The following PCDHGA11 variants were observed in gnomAD, a reference collection of about 807,000 sequenced individuals.
The protein encoded by PCDHGA11 is protocadherin gamma-A11.
Under a neutral mutation model 60.4 loss-of-function variants are expected in PCDHGA11, and 39 were observed. The ratio of observed to expected loss-of-function variants is 0.65; its 90% confidence interval spans 0.50 to 0.84. PCDHGA11 has a LOEUF of 0.84. PCDHGA11 is among the 40% of genes least tolerant of loss of function. The pLI is 0.00. For synonymous variants in PCDHGA11, 533 were observed against 510.3 expected, an observed-to-expected ratio of 1.04 and a Z score of -0.60; for missense variants, 1,165 against 1,197.7, an observed-to-expected ratio of 0.97 and a Z score of 0.40.
chr5:141,490,050 C>T lies in PCDHGA11; in HGVS notation c.2434-4757C>T, dbSNP rs1400735375. On this transcript the variant is annotated intron_variant, in intron 1 of 3. Transcript: ENST00000398587. This position sits in a 1 kb window ranked among gnomAD's most constrained non-coding sequence, Gnocchi z 5.4. ...TCCGCCTCAATGCCACTGATCCAGA[C>T]GAGGGCACCAACGGCCAACTAGACT... The T allele has an allele frequency of 1.2e-6, 2 of 1,614,224 alleles. No individual in the cohort carries two copies. The highest frequency in any genetic ancestry group is 1.7e-6 in the Non-Finnish European group (2 of 1,180,022).
chr5:141,457,159 T>C (rs908257499), intron 1 of PCDHGA11, among the ~76,000 whole-genome samples: 5 of 152,212 alleles, frequency 3.3e-5, no homozygotes, highest in Non-Finnish European at 7.3e-5. Flanking sequence ...GGTGCTACCA[T>C]GGATAACCCT....
chr5:141,428,513 AAAG>A (rs891793310), intron 1 of PCDHGA11: 2 of 280,938 alleles, frequency 7.1e-6, no homozygotes, highest in Non-Finnish European at 1.4e-5. Context: ...GATTCTAGAA[AAAG>A]AAGATTTAAT....
rs1468315559 is a variant in PCDHGA11 at position 141,493,636 on chromosome 5, G to A, written c.2434-1171G>A. 1.3e-5 allele frequency among the ~76,000 whole-genome samples: 2 copies of A among 152,130 alleles called. No individual in the cohort carries two copies. Among genetic ancestry groups the A allele is most frequent in the Non-Finnish European group, 2.9e-5 (2 of 68,040 alleles). The stretch of plus-strand genomic sequence containing the variant: ...TGTGTCTAAGAATACAGTGGCTGAG[G>A]GCTGGCCATCCCTGTGCCCTTCTCC... On this transcript the variant is annotated intron_variant, in intron 1 of 3. Transcript: ENST00000398587. The surrounding 1 kb of genome is among the most constrained non-coding windows in gnomAD (Gnocchi z 4.3).
In PCDHGA11 at chr5:141,439,231, T is replaced by C. The variant is rs545867747; in HGVS notation, c.2433+15571T>C. 2.0e-5 allele frequency among the ~76,000 whole-genome samples: 3 copies of C among 151,650 alleles called. No individual in the cohort carries two copies. In the East Asian group the frequency reaches 5.8e-4, roughly 29 times the overall value. On this transcript the variant is annotated intron_variant, in intron 1 of 3. Coordinates refer to ENST00000398587, the MANE Select transcript of PCDHGA11 (RefSeq NM_018914.3). ...TCCATATGTGAAAATTCTTAGAAGC[T>C]TCCTATACAATTTCAGCTGAAGATT...
Position 141,421,822 on chromosome 5 carries a change from G to A in PCDHGA11, c.595G>A (p.Gly199Arg), listed in dbSNP as rs2096603648. The change falls in exon 1 of 4, where the codon GGA (glycine) becomes AGA (arginine). Residue 199 changes from glycine (G) to arginine (R), a missense_variant. By Grantham distance (125) the Gly-to-Arg change is moderately radical (BLOSUM62 -2). Transcript: ENST00000398587. Reference protein sequence around the residue: ...GAKNPELVLEGSLDREKEAAH... With the variant: ...GAKNPELVLERSLDREKEAAH... ...CAAGAATCCAGAGCTAGTACTGGAG[G>A]GAAGCCTGGACCGAGAGAAAGAGGC... 3.7e-6 allele frequency: 6 copies of A among 1,613,690 alleles called. No homozygotes were observed. The East Asian group carries it at 1.1e-4, about 30-fold the overall frequency.
chr5:141,486,401 G>T lies in PCDHGA11; in HGVS notation c.2434-8406G>T. 6.2e-7 allele frequency: 1 copy of T among 1,614,174 alleles called. No individual in the cohort carries two copies. On this transcript the variant is annotated intron_variant, in intron 1 of 3. Transcript: ENST00000398587. The surrounding 1 kb of genome is among the most constrained non-coding windows in gnomAD (Gnocchi z 5.0). ...CAGGAACCAGTTCTCCCTGGTGACT[G>T]CTGGACCCTTGGATCGAGAGGCCAA...
chr5:141,427,998 C>T, intron 1 of PCDHGA11: 1 of 1,600,956 alleles, frequency 6.2e-7, no homozygotes, highest in Non-Finnish European at 8.6e-7. Flanking sequence ...TGGCTCCGCA[C>T]TCTTCGATAT....
Position 141,422,229 on chromosome 5 carries a change from G to C in PCDHGA11, c.1002G>C (p.Met334Ile). The change falls in exon 1 of 4, where the codon ATG becomes ATC. Residue 334 changes from methionine (M) to isoleucine (I), a missense_variant. Met to Ile is a conservative substitution (Grantham distance 10, BLOSUM62 1). Coordinates refer to ENST00000398587, the MANE Select transcript of PCDHGA11 (RefSeq NM_018914.3). The stretch of plus-strand genomic sequence containing the variant: ...GAGGTCTCTTTACCACCACGACGAT[G>C]TTGATCACTGTTGTGGATGTGAATG... ...DGGGLFTTTT[M>I]LITVVDVNDN... The C allele has an allele frequency of 2.6e-6, 4 of 1,565,880 alleles. No homozygotes were observed. Among genetic ancestry groups the C allele is most frequent in the Non-Finnish European group, 3.4e-6 (4 of 1,161,620 alleles).
chr5:141,509,785 C>T (rs1445220885), intron 3 of PCDHGA11, among the ~76,000 whole-genome samples: 1 of 152,166 alleles, frequency 6.6e-6, no homozygotes, highest in African/African-American at 2.4e-5. Context: ...CCGAGATCAT[C>T]ATCTCCTCAG....
At chr5:141,501,330 CACA>C (rs1301023208) in intron 2 of PCDHGA11, among the ~76,000 whole-genome samples, 82 of 151,502 alleles carry the variant, frequency 5.4e-4, no homozygotes, top group Admixed American at 2.2e-3. Flanking sequence ...CACACACACA[CACA>C]CCCCAAACTC....
Position 141,422,522 on chromosome 5 carries a change from C to T in PCDHGA11, c.1295C>T (p.Pro432Leu), listed in dbSNP as rs767482856. Residue 432 changes from proline to leucine, a missense_variant, in exon 1 of 4, where the codon CCT (proline) becomes CTT (leucine). Physicochemically the swap from Pro to Leu is moderately conservative, Grantham distance 98. Coordinates refer to ENST00000398587, the MANE Select transcript of PCDHGA11 (RefSeq NM_018914.3). Reference sequence around the variant, plus strand: ...ACAGCCACAGACCAGGGAAGCCCGCCTTTGTCTGCAGAAACTCATGTCTGG... The same window carrying T: ...ACAGCCACAGACCAGGGAAGCCCGCTTTTGTCTGCAGAAACTCATGTCTGG... ...TLTATDQGSPPLSAETHVWLN... is the reference protein window; with the variant it reads ...TLTATDQGSPLLSAETHVWLN... 11 of 1,614,014 alleles carry T rather than the reference C, an allele frequency of 6.8e-6. No homozygotes were observed. In the South Asian group the frequency reaches 1.1e-4, roughly 16 times the overall value.
Position 141,490,140 on chromosome 5 carries a change from G to T in PCDHGA11, c.2434-4667G>T. On this transcript the variant is annotated intron_variant, in intron 1 of 3. Transcript: ENST00000398587. This position sits in a 1 kb window ranked among gnomAD's most constrained non-coding sequence, Gnocchi z 5.4. Reference sequence around the variant, plus strand: ...TCTTTGGCCTAGACCCTAGCAGTGGGGCAATCCATGTGTTGGGTCCCATAG... The same window carrying T: ...TCTTTGGCCTAGACCCTAGCAGTGGTGCAATCCATGTGTTGGGTCCCATAG... 1 of 1,614,206 alleles carries T rather than the reference G, an allele frequency of 6.2e-7. No homozygotes were observed. The highest frequency in any genetic ancestry group is 8.5e-7 in the Non-Finnish European group (1 of 1,180,026).
intron 2 of PCDHGA11, among the ~76,000 whole-genome samples, chr5:141,503,595 G>A (rs6892628): frequency 7.1e-6 from 1 of 140,086 alleles, no homozygotes. Context: ...CGAGACTCCA[G>A]CTCAAAAAAA....
intron 1 of PCDHGA11, among the ~76,000 whole-genome samples, chr5:141,451,298 C>T (rs1221562397): frequency 6.6e-6 from 1 of 152,206 alleles, no homozygotes; most frequent in African/African-American, 2.4e-5. Context: ...CAAAGTCTTA[C>T]AAGGCAGCAA....
rs764482722 is a variant in PCDHGA11 at position 141,432,066 on chromosome 5, C to T, written c.2433+8406C>T. 62 of 1,614,062 alleles carry T rather than the reference C, an allele frequency of 3.8e-5. No individual in the cohort carries two copies. The highest frequency in any genetic ancestry group is 5.2e-5 in the Non-Finnish European group (61 of 1,180,046). On this transcript the variant is annotated intron_variant, in intron 1 of 3. Coordinates refer to ENST00000398587, the MANE Select transcript of PCDHGA11 (RefSeq NM_018914.3). The surrounding 1 kb of genome is among the most constrained non-coding windows in gnomAD (Gnocchi z 6.0). ...GGAACCCCGCCCCTATCCACGGAAA[C>T]TCATATCTCGCTGAACGTGGCAGAC...
Position 141,485,752 on chromosome 5 carries a change from G to A in PCDHGA11, c.2434-9055G>A. 1 of 1,614,232 alleles carries A rather than the reference G, an allele frequency of 6.2e-7. No individual in the cohort carries two copies. Among genetic ancestry groups the A allele is most frequent in the Middle Eastern group, 1.6e-4 (1 of 6,062 alleles). ...GCAGCGACGGCAGCCTGGTCCCAGA[G>A]CTGCTCCTGGAGAAGCCTTTGGATC... On this transcript the variant is annotated intron_variant, in intron 1 of 3. Coordinates refer to ENST00000398587, the MANE Select transcript of PCDHGA11 (RefSeq NM_018914.3). This position sits in a 1 kb window ranked among gnomAD's most constrained non-coding sequence, Gnocchi z 5.7.
At chr5:141,441,725 C>T (rs2098268012) in intron 1 of PCDHGA11, 3 of 352,332 alleles carry the variant, frequency 8.5e-6, no homozygotes. Flanking sequence ...AGGCCCGCGA[C>T]CAGGACTAGC....
Position 141,421,791 on chromosome 5 carries a change from T to TG in PCDHGA11, c.568dup (p.Ala190GlyfsTer49). 1 of 1,613,792 alleles carries TG rather than the reference T, an allele frequency of 6.2e-7. No homozygotes were observed. Among genetic ancestry groups the TG allele is most frequent in the Non-Finnish European group, 8.5e-7 (1 of 1,179,872 alleles). On this transcript the variant is annotated frameshift_variant, in exon 1 of 4. Coordinates refer to ENST00000398587, the MANE Select transcript of PCDHGA11 (RefSeq NM_018914.3). LOFTEE classifies it high-confidence loss of function. ...CCTTGCAACTGCGGGGCAGAACGGA[T>TG]GGGGCCAAGAATCCAGAGCTAGTAC...
chr5:141,441,041 C>T (rs2098220628), intron 1 of PCDHGA11: 1 of 152,152 alleles, frequency 6.6e-6, no homozygotes, highest in African/African-American at 2.4e-5. Context: ...ACTTTAAGTA[C>T]ATTGGACTTT....
Sources: allele counts gnomAD v4.1 joint callset (sites outside exome capture counted in the v4.1 genomes callset), GRCh38; gene constraint gnomAD v4.1.1; non-coding constraint Gnocchi (gnomAD v3.1); transcripts MANE v1.5; gene names NCBI Gene and HGNC (gene_info 2026-07-23, HGNC 2026-07-21).